The following MEIOSIN variants were observed in gnomAD, a reference collection of about 807,000 sequenced individuals.
The protein encoded by MEIOSIN is meiosis initiator.
MEIOSIN carries 18 observed loss-of-function variants against 23.4 expected under a neutral mutation model. The ratio of observed to expected loss-of-function variants is 0.77; its 90% CI spans 0.53 to 1.14. MEIOSIN has a LOEUF of 1.14. MEIOSIN is among the 50% of genes most tolerant of loss of function. The pLI is 0.00. For missense variants in MEIOSIN, 428 were observed against 242.9 expected (o/e 1.76, Z -5.07); for synonymous variants, 187 against 100.6 (o/e 1.86, Z -5.14).
rs779907489 is a variant in MEIOSIN at position 45,750,686 on chromosome 19, G to C, written c.318G>C (p.Leu106=). Residue 106 remains leucine (L), a synonymous_variant, in exon 5 of 15, where the codon CTG becomes CTC. Transcript: ENST00000457052. ...GTKKLTKKEI[L]VHVLQYIQYL... ...TTCTTTTGAGGCAGAAGGAGATTCT[G>C]GTGCATGTCCTGCAGTACATTCAGT... The C allele has an allele frequency of 8.5e-6, 5 of 586,466 alleles. No individual in the cohort carries two copies. The highest frequency in any genetic ancestry group is 4.2e-5 in the South Asian group (2 of 47,774). The allele number at this position is 586,466 out of a possible 1,614,324, so 36.3% of individuals were successfully genotyped here.
At chr19:45,759,081 C>T (rs535819166) in intron 10 of MEIOSIN, 48 bp downstream of exon 10, 22 of 702,280 alleles carry the variant, frequency 3.1e-5, no homozygotes, top group Admixed American at 1.2e-4. Context: ...GGGAAACATA[C>T]GGTGCCCAGG....
At position 45,736,938 on chromosome 19, in the gene MEIOSIN, G is replaced by A. The variant is rs561564418; in HGVS notation, c.71+1491G>A. On this transcript the variant is annotated intron_variant, in intron 2 of 14. Coordinates refer to ENST00000457052, the MANE Select transcript of MEIOSIN (RefSeq NM_001310124.2). ...GGCTGGACTGCAATGGCATGAACTC[G>A]GCTCTCTGCAACCTCCGCCTCCCGG... Among the ~76,000 whole-genome samples, 461 of 147,400 alleles carry A rather than the reference G, an allele frequency of 3.1e-3. 5 individuals are homozygous for A. Among genetic ancestry groups the A allele is most frequent in the African/African-American group, 0.011 (418 of 39,716 alleles).
At chr19:45,757,633 G>T (rs1968856454) in intron 9 of MEIOSIN, among the ~76,000 whole-genome samples, 1 of 152,148 alleles carries the variant, frequency 6.6e-6, no homozygotes, top group Non-Finnish European at 1.5e-5. Flanking sequence ...TGATTCTCCT[G>T]CCTCAGCCTC....
chr19:45,748,934 T>C (rs1968641542), intron 4 of MEIOSIN, among the ~76,000 whole-genome samples: 1 of 151,692 alleles, frequency 6.6e-6, no homozygotes, highest in Non-Finnish European at 1.5e-5. Context: ...CCAAGCGTGG[T>C]GGCACATTCC....
At position 45,741,838 on chromosome 19, in the gene MEIOSIN, T is replaced by A. The variant is rs528594380; in HGVS notation, c.176+2108T>A. ...GAGAGACCGCGTCTCCAAAAAAAAA[T>A]TTATTTTAAAGTTTATTTTATTTTA... On this transcript the variant is annotated intron_variant, in intron 3 of 14. Coordinates refer to ENST00000457052, the MANE Select transcript of MEIOSIN (RefSeq NM_001310124.2). Among the ~76,000 whole-genome samples the A allele has an allele frequency of 1.6e-4, 25 of 152,044 alleles. No individual in the cohort carries two copies. In the South Asian group the frequency reaches 4.1e-3, roughly 25 times the overall value.
chr19:45,745,764 G>C (rs771925617), intron 4 of MEIOSIN, among the ~76,000 whole-genome samples: 11 of 152,072 alleles, frequency 7.2e-5, no homozygotes, highest in Non-Finnish European at 1.5e-4. Context: ...TAGAGACAGG[G>C]TTTCACCATA....
In MEIOSIN at chr19:45,758,738, T is replaced by C. The variant is rs1048641224; in HGVS notation, c.1013-140T>C. ...GCCATCGCAGCCGGCTGCCTCTTCA[T>C]TTCTGTGATCAAGAATTCAAAATGA... On this transcript the variant is annotated intron_variant, in intron 9 of 14. Coordinates refer to ENST00000457052, the MANE Select transcript of MEIOSIN (RefSeq NM_001310124.2). The C allele has an allele frequency of 6.6e-6, 4 of 604,402 alleles. No individual in the cohort carries two copies. In the African/African-American group the frequency reaches 7.4e-5, roughly 11 times the overall value. 37.4% of individuals were successfully genotyped at this position (604,402 alleles called of 1,614,324 possible).
At position 45,735,400 on chromosome 19, in the gene MEIOSIN, G is replaced by C; in HGVS notation, c.24G>C (p.Leu8Phe). ...AGATGTTTGGTTCCAGCAGATACTT[G>C]GGTTCCTCTGAACAGCCCAGAGCTA... Reference protein sequence around the residue: MFGSSRYLGSSEQPRANS... With the variant: MFGSSRYFGSSEQPRANS... The change falls in exon 2 of 15, where the codon TTG (leucine) becomes TTC (phenylalanine). Residue 8 changes from leucine to phenylalanine, a missense_variant. Physicochemically the swap from Leu to Phe is conservative, Grantham distance 22. Coordinates refer to ENST00000457052, the MANE Select transcript of MEIOSIN (RefSeq NM_001310124.2). The C allele has an allele frequency of 1.4e-6, 1 of 702,732 alleles. No individual in the cohort carries two copies. 43.5% of individuals were successfully genotyped at this position (702,732 alleles called of 1,614,324 possible).
intron 10 of MEIOSIN, 92 bp downstream of exon 10, chr19:45,759,125 A>G: frequency 1.5e-6 from 1 of 679,686 alleles, no homozygotes; most frequent in Non-Finnish European, 2.7e-6. Context: ...CCCGGGGTGA[A>G]TCCTGCCCTG....
chr19:45,759,852 G>A lies in MEIOSIN; in HGVS notation c.1245+362G>A, dbSNP rs374368370. On this transcript the variant is annotated intron_variant, in intron 11 of 14. Coordinates refer to ENST00000457052, the MANE Select transcript of MEIOSIN (RefSeq NM_001310124.2). The stretch of plus-strand genomic sequence containing the variant: ...GTTTCCCTGTTGTCGCCCAGGCTGG[G>A]GTGCAGTGGTGCGATCTCGGCTCAC... Among the ~76,000 whole-genome samples, 1,328 of 151,898 alleles carry A rather than the reference G, an allele frequency of 8.7e-3. 8 individuals are homozygous for A. The highest frequency in any genetic ancestry group is 0.037 in the Middle Eastern group (11 of 294).
At position 45,745,182 on chromosome 19, in the gene MEIOSIN, C is replaced by T. The variant is rs201021805; in HGVS notation, c.177-10C>T. 3.8e-5 allele frequency: 27 copies of T among 702,250 alleles called. No homozygotes were observed. The South Asian group carries it at 3.9e-4, about 10-fold the overall frequency. The allele number at this position is 702,250 out of a possible 1,614,324, so 43.5% of individuals were successfully genotyped here. A position where few individuals can be genotyped will look rare whatever the true frequency, so the allele number is the denominator to read the frequency against. On this transcript the variant is annotated splice_polypyrimidine_tract_variant and intron_variant, in intron 3 of 14. Transcript: ENST00000457052. Reference sequence around the variant, plus strand: ...TGTCCTAACCAAAACCAGCTCCTGTCCCCAAACAGGAATCAGAGGAACCAA... The same window carrying T: ...TGTCCTAACCAAAACCAGCTCCTGTTCCCAAACAGGAATCAGAGGAACCAA...
rs527632567 is a variant in MEIOSIN at position 45,761,838 on chromosome 19, G to A, written c.1405G>A (p.Asp469Asn). 16 of 686,730 alleles carry A rather than the reference G, an allele frequency of 2.3e-5. No homozygotes were observed. The highest frequency in any genetic ancestry group is 2.3e-4 in the Middle Eastern group (1 of 4,268). 42.5% of individuals were successfully genotyped at this position (686,730 alleles called of 1,614,324 possible). The change falls in exon 12 of 15, where the codon GAC becomes AAC. Residue 469 changes from aspartate (D) to asparagine (N), a missense_variant. Transcript: ENST00000457052. ...SSSSSSSEDS[D>N]SEPLWKQRED... ...CTCCAGCTCCAGCTCGGAGGACAGC[G>A]ACTCGGAGCCCCTGTGGAAGCAGCG...
Position 45,753,800 on chromosome 19 carries a change from C to T in MEIOSIN, c.556+12C>T, listed in dbSNP as rs1968762895. 1.4e-6 allele frequency: 1 copy of T among 698,738 alleles called. No individual in the cohort carries two copies. The highest frequency in any genetic ancestry group is 2.7e-5 in the East Asian group (1 of 37,248). 43.3% of individuals were successfully genotyped at this position (698,738 alleles called of 1,614,324 possible). On this transcript the variant is annotated intron_variant, in intron 6 of 14. Coordinates refer to ENST00000457052, the MANE Select transcript of MEIOSIN (RefSeq NM_001310124.2). ...GACCCAGGCATCAGGTACAAGCTGT[C>T]ACTGGAGGCAGAACTAGAAGCCCAG...
chr19:45,763,629 G>A (rs1968993663), intron 14 of MEIOSIN, among the ~76,000 whole-genome samples: 2 of 152,270 alleles, frequency 1.3e-5, no homozygotes, highest in South Asian at 4.1e-4. Flanking sequence ...GAACAGCTGA[G>A]CCCAGACATG....
chr19:45,761,249 A>G (rs770555600), intron 11 of MEIOSIN, among the ~76,000 whole-genome samples: 9 of 150,986 alleles, frequency 6.0e-5, no homozygotes, highest in Non-Finnish European at 1.3e-4. Context: ...CTCAGCCTCC[A>G]GAGTAGCTGG....
chr19:45,762,003 C>A lies in MEIOSIN; in HGVS notation c.1499C>A (p.Thr500Asn), dbSNP rs1968954707. ...GAAGAGGACGAAGACACCACATGGACCCCCACCCGGCTGGCCTCACCCCTG... is the reference window on the plus strand; with the variant it reads ...GAAGAGGACGAAGACACCACATGGAACCCCACCCGGCTGGCCTCACCCCTG... ...SSEEDEDTTWTPTRLASPLLA... is the reference protein window; with the variant it reads ...SSEEDEDTTWNPTRLASPLLA... Residue 500 changes from threonine (T) to asparagine (N), a missense_variant, in exon 13 of 15, where the codon ACC becomes AAC. Thr to Asn is a moderately conservative substitution (Grantham distance 65). Transcript: ENST00000457052. 3.9e-6 allele frequency: 2 copies of A among 513,404 alleles called. No homozygotes were observed. The highest frequency in any genetic ancestry group is 1.9e-5 in the African/African-American group (1 of 51,508). 31.8% of individuals were successfully genotyped at this position (513,404 alleles called of 1,614,324 possible). A position where few individuals can be genotyped will look rare whatever the true frequency, so the allele number is the denominator to read the frequency against.
chr19:45,763,822 T>A (rs1968999284), intron 14 of MEIOSIN, 149 bp from the exon 15 acceptor site: 1 of 397,584 alleles, frequency 2.5e-6, no homozygotes, highest in Admixed American at 4.4e-5. Context: ...AGTCCCATCT[T>A]ACTGACTGGG....
chr19:45,753,137 G>C (rs567329330), intron 5 of MEIOSIN, among the ~76,000 whole-genome samples: 1 of 152,254 alleles, frequency 6.6e-6, no homozygotes, highest in Admixed American at 6.5e-5. Context: ...TGAAGTGAGA[G>C]ACTGGAGTCA....
At chr19:45,745,809 C>T (rs1055164828) in intron 4 of MEIOSIN, among the ~76,000 whole-genome samples, 4 of 152,080 alleles carry the variant, frequency 2.6e-5, no homozygotes, top group East Asian at 1.9e-4. Flanking sequence ...TGACCTCAGG[C>T]GATCCATCCG....
Sources: allele counts gnomAD v4.1 joint callset (sites outside exome capture counted in the v4.1 genomes callset), GRCh38; gene constraint gnomAD v4.1.1; transcripts MANE v1.5; gene names NCBI Gene and HGNC (gene_info 2026-07-23, HGNC 2026-07-21).